Variants in KCNB2 observed in about 807,000 individuals in gnomAD.
KCNB2 encodes delayed rectifier potassium channel protein.
In KCNB2, 15 loss-of-function variants were observed where a neutral mutation model predicts 61.5. That is an observed-to-expected ratio of 0.24 (90% CI 0.16 to 0.38). KCNB2 has a LOEUF of 0.38. Among genes scored for constraint, KCNB2 ranks in the 10% least tolerant of loss-of-function variants. The pLI, the probability that KCNB2 is intolerant of heterozygous loss-of-function variation, is 1.00. For missense variants in KCNB2, 828 were observed against 1,125.2 expected (o/e 0.74, Z 3.78); for synonymous variants, 457 against 446.0 (o/e 1.02, Z -0.31).
intron 2 of KCNB2, among the ~76,000 whole-genome samples, chr8:72,595,614 G>T (rs554293149): frequency 1.1e-4 from 16 of 152,022 alleles, no homozygotes; most frequent in Non-Finnish European, 2.2e-4. Flanking sequence ...ATGAGCCATG[G>T]CACCTGGCTG....
chr8:72,804,837 A>G (rs1264920045), intron 2 of KCNB2, among the ~76,000 whole-genome samples: 1 of 152,210 alleles, frequency 6.6e-6, no homozygotes, highest in Non-Finnish European at 1.5e-5. Flanking sequence ...GAGCTGGGGC[A>G]GAGGCATGGA....
chr8:72,611,073 G>C (rs1398381990), intron 2 of KCNB2, among the ~76,000 whole-genome samples: 1 of 152,126 alleles, frequency 6.6e-6, no homozygotes. Flanking sequence ...CTAAATTTAT[G>C]AATCTTGGAT....
At chr8:72,898,718 G>A (rs1157178592) in intron 2 of KCNB2, among the ~76,000 whole-genome samples, 1 of 151,964 alleles carries the variant, frequency 6.6e-6, no homozygotes, top group African/African-American at 2.4e-5. Context: ...TTGTTACATG[G>A]GTATATTACA....
In KCNB2 at chr8:72,639,809, C is replaced by T. The variant is rs144707966; in HGVS notation, c.579+71496C>T. ...GACATCGGTCTATTTTTTAAGTTCC[C>T]CAAGCTAATCTAATGGATAGCCAGG... On this transcript the variant is annotated intron_variant, in intron 2 of 2. Coordinates refer to ENST00000523207, the MANE Select transcript of KCNB2 (RefSeq NM_004770.3). Among the ~76,000 whole-genome samples, 48 of 152,044 alleles carry T rather than the reference C, an allele frequency of 3.2e-4. 1 individual carries two copies. In the East Asian group the frequency reaches 9.1e-3, roughly 29 times the overall value.
chr8:72,696,591 A>G (rs1412096731), intron 2 of KCNB2, among the ~76,000 whole-genome samples: 3 of 152,078 alleles, frequency 2.0e-5, no homozygotes, highest in Non-Finnish European at 4.4e-5. Flanking sequence ...TTTGGATGGG[A>G]AAGGTATAGT....
At chr8:72,599,956 A>G (rs1202315221) in intron 2 of KCNB2, among the ~76,000 whole-genome samples, 4 of 152,216 alleles carry the variant, frequency 2.6e-5, no homozygotes, top group African/African-American at 4.8e-5. Flanking sequence ...GATGCTGGAG[A>G]GGATGTGGAG....
intron 2 of KCNB2, among the ~76,000 whole-genome samples, chr8:72,646,473 G>A (rs1347091132): frequency 6.6e-6 from 1 of 152,220 alleles, no homozygotes; most frequent in Non-Finnish European, 1.5e-5. Context: ...ATGAAAGTTG[G>A]AAACATAATA....
chr8:72,938,034 AATTC>A lies in KCNB2; in HGVS notation c.2684_2687del (p.His895ProfsTer18). On this transcript the variant is annotated frameshift_variant, in exon 3 of 3. Coordinates refer to ENST00000523207, the MANE Select transcript of KCNB2 (RefSeq NM_004770.3). LOFTEE classifies it high-confidence loss of function. ...TGGAAAATCACTTGTTTGCCCCAGA[AATTC>A]ATTCCAACCCAGGAGACACAGGTTA... 1 of 1,614,092 alleles carries A rather than the reference AATTC, an allele frequency of 6.2e-7. No homozygotes were observed. Among genetic ancestry groups the A allele is most frequent in the Non-Finnish European group, 8.5e-7 (1 of 1,179,972 alleles).
Position 72,631,855 on chromosome 8 carries a change from GC to G in KCNB2, c.579+63543del, listed in dbSNP as rs1479304874. On this transcript the variant is annotated intron_variant, in intron 2 of 2. Coordinates refer to ENST00000523207, the MANE Select transcript of KCNB2 (RefSeq NM_004770.3). The stretch of plus-strand genomic sequence containing the variant: ...GCCTTGTGCTCCTTGTTCAAATGCA[GC>G]ATTAATTTTAAGACAGGGCTCAGTC... Among the ~76,000 whole-genome samples the G allele has an allele frequency of 1.3e-4, 20 of 152,202 alleles. No homozygotes were observed. The East Asian group carries it at 3.9e-3, about 29-fold the overall frequency.
At chr8:72,548,640 T>A (rs1806298574) in intron 1 of KCNB2, among the ~76,000 whole-genome samples, 1 of 152,222 alleles carries the variant, frequency 6.6e-6, no homozygotes, top group Admixed American at 6.5e-5. Context: ...AGAGGTGGTT[T>A]TAAAGTCATT....
chr8:72,920,457 C>CATATA (rs1806493273), intron 2 of KCNB2, among the ~76,000 whole-genome samples: 1 of 68,438 alleles, frequency 1.5e-5, no homozygotes, highest in African/African-American at 6.1e-5. Flanking sequence ...ATCTATCTAT[C>CATATA]TATCTATCTA....
intron 2 of KCNB2, among the ~76,000 whole-genome samples, chr8:72,667,102 CTA>C (rs1806488621): frequency 6.6e-6 from 1 of 152,030 alleles, no homozygotes; most frequent in Admixed American, 6.6e-5. Flanking sequence ...TGTAAATTCT[CTA>C]TGTCTTGGTT....
At chr8:72,866,469 C>A (rs1345770064) in intron 2 of KCNB2, among the ~76,000 whole-genome samples, 1 of 152,174 alleles carries the variant, frequency 6.6e-6, no homozygotes, top group Non-Finnish European at 1.5e-5. Flanking sequence ...CTACTGAACA[C>A]CTTTGCCTAA....
rs869160203 is a variant in KCNB2 at position 72,597,001 on chromosome 8, C to CT, written c.579+28729dup. 8.4e-4 allele frequency among the ~76,000 whole-genome samples: 54 copies of CT among 64,654 alleles called. 8 individuals carry two copies. The highest frequency in any genetic ancestry group is 2.5e-3 in the East Asian group (4 of 1,594). 42.4% of individuals were successfully genotyped at this position (64,654 alleles called of 152,430 possible). A position where few individuals can be genotyped will look rare whatever the true frequency, so the allele number is the denominator to read the frequency against. Reference sequence around the variant, plus strand: ...GCATGCTTGCTTGCTTGCTTGCTTGCTTTTTTTTTTTTTTTTTTTTTTTTT... The same window carrying CT: ...GCATGCTTGCTTGCTTGCTTGCTTGCTTTTTTTTTTTTTTTTTTTTTTTTTT... On this transcript the variant is annotated intron_variant, in intron 2 of 2. Coordinates refer to ENST00000523207, the MANE Select transcript of KCNB2 (RefSeq NM_004770.3).
At chr8:72,865,200 C>T (rs1347798333) in intron 2 of KCNB2, among the ~76,000 whole-genome samples, 7 of 152,256 alleles carry the variant, frequency 4.6e-5, no homozygotes, top group East Asian at 3.9e-4. Context: ...TGCTCAGAAA[C>T]GCCTGAGGGT....
At chr8:72,847,256 A>G (rs1810011311) in intron 2 of KCNB2, among the ~76,000 whole-genome samples, 1 of 152,172 alleles carries the variant, frequency 6.6e-6, no homozygotes, top group African/African-American at 2.4e-5. Context: ...ACACTTTCTC[A>G]GGAAGAGGTT....
intron 1 of KCNB2, among the ~76,000 whole-genome samples, chr8:72,565,311 A>C (rs1040299473): frequency 6.6e-6 from 1 of 152,164 alleles, no homozygotes; most frequent in African/African-American, 2.4e-5. Context: ...CAGAACAATA[A>C]ATAAATTTAA....
In KCNB2 at chr8:72,706,733, C is replaced by T. The variant is rs553008052; in HGVS notation, c.579+138420C>T. ...GATAATTTTTGTGTACTATAAAATC[C>T]CCTTTGAAGAATAGGGATGGGCAAA... On this transcript the variant is annotated intron_variant, in intron 2 of 2. Transcript: ENST00000523207. 2.1e-4 allele frequency among the ~76,000 whole-genome samples: 32 copies of T among 152,206 alleles called. 1 individual carries two copies. In the South Asian group the frequency reaches 4.6e-3, roughly 22 times the overall value.
At chr8:72,855,553 AT>A (rs1432375546) in intron 2 of KCNB2, among the ~76,000 whole-genome samples, 1 of 151,964 alleles carries the variant, frequency 6.6e-6, no homozygotes, top group African/African-American at 2.4e-5. Context: ...TCTTTGTTAT[AT>A]TTTCCATATT....
Sources: gnomAD v4.1 joint callset for allele counts (sites outside exome capture counted in the v4.1 genomes callset) on GRCh38, gnomAD v4.1.1 for gene constraint, MANE v1.5 for transcripts, NCBI Gene and HGNC (gene_info 2026-07-23, HGNC 2026-07-21) for gene names.